The following FSD1L variants were observed in gnomAD, a reference collection of about 807,000 sequenced individuals.
The protein encoded by FSD1L is fibronectin type III and SPRY domain containing 1 like, also known as FSD1-like protein.
FSD1L carries 45 observed loss-of-function variants against 71.6 expected under a neutral mutation model. The observed-to-expected ratio is 0.63, with a 90% CI of 0.49 to 0.81. The LOEUF (loss-of-function observed/expected upper bound fraction) is 0.81, where lower values mean the gene tolerates loss of function less well. Among genes scored for constraint, FSD1L ranks in the 30% least tolerant of loss-of-function variants. The pLI, the probability that FSD1L is intolerant of heterozygous loss-of-function variation, is 0.00. For missense variants in FSD1L, 561 were observed against 618.1 expected, an observed-to-expected ratio of 0.91 and a Z score of 0.98; for synonymous variants, 197 against 207.2, an observed-to-expected ratio of 0.95 and a Z score of 0.42.
chr9:105,463,652 A>C (rs191667783), intron 2 of FSD1L, among the ~76,000 whole-genome samples: 1 of 152,186 alleles, frequency 6.6e-6, no homozygotes, highest in Admixed American at 6.5e-5. Flanking sequence ...AAATTAACCA[A>C]ATGTTTTATT....
intron 10 of FSD1L, among the ~76,000 whole-genome samples, chr9:105,533,643 G>A (rs1163153342): frequency 6.0e-5 from 9 of 150,048 alleles, no homozygotes; most frequent in African/African-American, 7.4e-5. Flanking sequence ...GGCTGGTCTC[G>A]AACTCCAGAC....
intron 13 of FSD1L, among the ~76,000 whole-genome samples, chr9:105,544,803 A>T (rs1381389064): frequency 3.9e-5 from 6 of 152,172 alleles, no homozygotes; most frequent in African/African-American, 1.4e-4. Context: ...TTTTGGTACC[A>T]GTACCATGCT....
chr9:105,526,489 C>T, intron 10 of FSD1L: 1 of 1,612,300 alleles, frequency 6.2e-7, no homozygotes, highest in Non-Finnish European at 8.5e-7. Flanking sequence ...GCCGCATGTC[C>T]ATGAAGCTGC....
At chr9:105,491,886 C>T (rs1215452342) in intron 7 of FSD1L, among the ~76,000 whole-genome samples, 2 of 152,150 alleles carry the variant, frequency 1.3e-5, no homozygotes, top group Non-Finnish European at 1.5e-5. Context: ...TGATGTGCTG[C>T]TGGATTCGGT....
chr9:105,524,479 A>G (rs1048473889), intron 10 of FSD1L: 23 of 1,613,518 alleles, frequency 1.4e-5, no homozygotes, highest in Middle Eastern at 3.3e-4. Context: ...ACACTGCTCC[A>G]ACCATTTCAT....
chr9:105,533,730 C>CT (rs1342671787), intron 10 of FSD1L, among the ~76,000 whole-genome samples: 38 of 147,268 alleles, frequency 2.6e-4, no homozygotes, highest in Non-Finnish European at 3.9e-4. Flanking sequence ...CCCCCCGTCC[C>CT]TTTTTTTTTA....
chr9:105,509,732 C>G (rs910045833), intron 9 of FSD1L, among the ~76,000 whole-genome samples: 3 of 152,164 alleles, frequency 2.0e-5, no homozygotes, highest in Non-Finnish European at 4.4e-5. Flanking sequence ...TAAAGTCTAT[C>G]TTGAAGTAAT....
chr9:105,521,719 C>T, intron 10 of FSD1L: 3 of 1,613,422 alleles, frequency 1.9e-6, no homozygotes, highest in East Asian at 2.2e-5. Flanking sequence ...GGGACCAATA[C>T]TGCTGATCAT....
intron 10 of FSD1L, chr9:105,525,785 T>C: frequency 6.2e-7 from 1 of 1,606,444 alleles, no homozygotes; most frequent in Non-Finnish European, 8.5e-7. Flanking sequence ...GGTTTGGAGG[T>C]AAATCTTACA....
At position 105,518,280 on chromosome 9, in the gene FSD1L, G is replaced by A. The variant is rs1445834838; in HGVS notation, c.1025+5344G>A. Reference sequence around the variant, plus strand: ...GACAGAAAATTAACAAGGATATTCAGGACTTGAACTCAGCTCTGGATCAAG... The same window carrying A: ...GACAGAAAATTAACAAGGATATTCAAGACTTGAACTCAGCTCTGGATCAAG... On this transcript the variant is annotated intron_variant, in intron 10 of 13. Coordinates refer to ENST00000481272, the MANE Select transcript of FSD1L (RefSeq NM_001145313.3). Among the ~76,000 whole-genome samples, 7 of 152,162 alleles carry A rather than the reference G, an allele frequency of 4.6e-5. No individual in the cohort carries two copies. The East Asian group carries it at 1.3e-3, about 29-fold the overall frequency.
intron 2 of FSD1L, among the ~76,000 whole-genome samples, chr9:105,463,647 A>G (rs1382642596): frequency 2.0e-5 from 3 of 152,238 alleles, no homozygotes; most frequent in Non-Finnish European, 4.4e-5. Context: ...AGAGAAAATT[A>G]ACCAAATGTT....
chr9:105,496,097 T>G (rs1833380778), intron 7 of FSD1L, among the ~76,000 whole-genome samples: 1 of 152,126 alleles, frequency 6.6e-6, no homozygotes, highest in South Asian at 2.1e-4. Context: ...TTTTTAATTC[T>G]AATAATGTTT....
At chr9:105,521,933 C>T (rs1416032945) in intron 10 of FSD1L, 2 of 1,612,500 alleles carry the variant, frequency 1.2e-6, no homozygotes, top group Admixed American at 3.3e-5. Flanking sequence ...TGTGTAAACG[C>T]ATTCTTAACA....
At chr9:105,442,839 G>A (rs28490489), upstream of FSD1L, among the ~76,000 whole-genome samples, 6,924 of 152,226 alleles carry the variant, frequency 0.045, 506 homozygotes, top group African/African-American at 0.16. Context: ...GCTCTCTATG[G>A]CTCTGTTAGA....
rs184015952 is a variant in FSD1L, at chr9:105,519,700, A to G, written c.1025+6764A>G. 7.7e-4 allele frequency among the ~76,000 whole-genome samples: 118 copies of G among 152,336 alleles called. 1 individual carries two copies. The highest frequency in any genetic ancestry group is 2.8e-3 in the African/African-American group (117 of 41,592). ...AAACCCACAGCCAGTATCATACTGA[A>G]TGGGCAAAAACTGGAAGCATTCACT... On this transcript the variant is annotated intron_variant, in intron 10 of 13. Transcript: ENST00000481272.
In FSD1L at chr9:105,545,701, G is replaced by T. The variant is rs13297773; in HGVS notation, c.1468-657G>T. Among the ~76,000 whole-genome samples, 611 of 152,070 alleles carry T rather than the reference G, an allele frequency of 4.0e-3. 3 individuals are homozygous for T. Among genetic ancestry groups the T allele is most frequent in the Admixed American group, 0.013 (196 of 15,274 alleles). On this transcript the variant is annotated intron_variant, in intron 13 of 13. Transcript: ENST00000481272. The stretch of plus-strand genomic sequence containing the variant: ...GATAATCATGTGGTTTTTGTCTTTG[G>T]TTCTGTTTATATGCTGGATTACGTT...
chr9:105,479,990 G>C (rs1182956551), intron 6 of FSD1L, among the ~76,000 whole-genome samples: 2 of 152,308 alleles, frequency 1.3e-5, no homozygotes, highest in East Asian at 3.9e-4. Context: ...AAGGAATTTA[G>C]TACTTGTAAT....
chr9:105,543,988 G>C (rs773866453), intron 13 of FSD1L, among the ~76,000 whole-genome samples: 2 of 152,168 alleles, frequency 1.3e-5, no homozygotes, highest in Non-Finnish European at 2.9e-5. Flanking sequence ...TCTAGTTCTA[G>C]ATCCCTGAGG....
intron 7 of FSD1L, among the ~76,000 whole-genome samples, chr9:105,501,363 C>T (rs1338367061): frequency 6.6e-6 from 1 of 151,896 alleles, no homozygotes; most frequent in African/African-American, 2.4e-5. Flanking sequence ...TGTCCTCTTG[C>T]TCTGGCTTTC....
Sources: gnomAD v4.1 joint callset for allele counts (sites outside exome capture counted in the v4.1 genomes callset) on GRCh38, gnomAD v4.1.1 for gene constraint, MANE v1.5 for transcripts, NCBI Gene and HGNC (gene_info 2026-07-23, HGNC 2026-07-21) for gene names.